The following FERMT1 variants were observed in gnomAD, a reference collection of about 807,000 sequenced individuals.
FERMT1 encodes the protein fermitin family homolog 1.
In FERMT1, 60 loss-of-function variants were observed where a neutral mutation model predicts 85.3. That is an observed-to-expected ratio of 0.70 (90% CI 0.57 to 0.87). The LOEUF is 0.87. FERMT1 is among the 40% of genes least tolerant of loss of function. The probability of loss-of-function intolerance (pLI) is 0.00; values close to 1 mark genes in which losing one functional copy is unlikely to be tolerated. For missense variants in FERMT1, 701 were observed against 818.9 expected, an observed-to-expected ratio of 0.86 and a Z score of 1.76; for synonymous variants, 275 against 301.1, an observed-to-expected ratio of 0.91 and a Z score of 0.90.
intron 6 of FERMT1, among the ~76,000 whole-genome samples, chr20:6,105,341 T>C (rs1171820733): frequency 6.6e-6 from 1 of 152,194 alleles, no homozygotes; most frequent in Non-Finnish European, 1.5e-5. Flanking sequence ...AGTTTGATTA[T>C]CAGGTGGTCC....
rs201694674 is a variant in FERMT1 at position 6,097,013 on chromosome 20, C to T, written c.978G>A (p.Ser326=). The change falls in exon 8 of 15, where the codon TCG becomes TCA. Residue 326 remains serine (S), a synonymous_variant. Coordinates refer to ENST00000217289, the MANE Select transcript of FERMT1 (RefSeq NM_017671.5). ...AALQYHISKL[S]LSAETQDFAG... is the part of the protein sequence containing the mutation. ...CAAAATCCTGTGTTTCAGCAGACAACGACAGTTTGCTAATGTGGTACTAAA... is the reference window on the plus strand; with the variant it reads ...CAAAATCCTGTGTTTCAGCAGACAATGACAGTTTGCTAATGTGGTACTAAA... 4.8e-5 allele frequency: 78 copies of T among 1,613,714 alleles called. 1 individual carries two copies. In the Middle Eastern group the frequency reaches 6.6e-4, roughly 14 times the overall value.
intron 6 of FERMT1, among the ~76,000 whole-genome samples, chr20:6,103,610 G>A (rs1469462335): frequency 6.6e-6 from 1 of 152,006 alleles, no homozygotes; most frequent in Non-Finnish European, 1.5e-5. Flanking sequence ...GTAAAGCATT[G>A]TAGTTCATTT....
At chr20:6,079,666 A>G in intron 13 of FERMT1, 89 bp from the exon 14 acceptor site, 1 of 1,237,440 alleles carries the variant, frequency 8.1e-7, no homozygotes, top group Non-Finnish European at 1.2e-6. Flanking sequence ...AAATACTACC[A>G]GTATTTCTGA....
At chr20:6,113,638 A>G (rs1317666446) in intron 3 of FERMT1, among the ~76,000 whole-genome samples, 1 of 152,174 alleles carries the variant, frequency 6.6e-6, no homozygotes, top group African/African-American at 2.4e-5. Flanking sequence ...CTGCACTGCA[A>G]CAGCCCACAT....
rs1439132296 is a variant in FERMT1 at position 6,104,060 on chromosome 20, G to C, written c.849+3472C>G. On this transcript the variant is annotated intron_variant, in intron 6 of 14. Transcript: ENST00000217289. This position sits in a 1 kb window ranked among gnomAD's most constrained non-coding sequence, Gnocchi z 4.2. ...TAATTTTTGTATTTTTAGTAGAGAT[G>C]GGGTTTCACCATGTTGGCCAGGCTA... 6.6e-6 allele frequency among the ~76,000 whole-genome samples: 1 copy of C among 151,882 alleles called. No individual in the cohort carries two copies. Among genetic ancestry groups the C allele is most frequent in the African/African-American group, 2.4e-5 (1 of 41,364 alleles).
intron 6 of FERMT1, among the ~76,000 whole-genome samples, chr20:6,105,037 T>TC (rs1982760838): frequency 6.6e-6 from 1 of 152,108 alleles, no homozygotes; most frequent in Admixed American, 6.6e-5. Context: ...GATCCTATCA[T>TC]CCATCAGGTG....
At position 6,076,183 on chromosome 20, in the gene FERMT1, T is replaced by C; in HGVS notation, c.*990A>G. Reference sequence around the variant, plus strand: ...ATGACCCAGACCAGCCTAAAGCCCCTGTGGGGGCAGCCAGTGGGGAGCTGT... The same window carrying C: ...ATGACCCAGACCAGCCTAAAGCCCCCGTGGGGGCAGCCAGTGGGGAGCTGT... On this transcript the variant is annotated 3_prime_UTR_variant, in exon 15 of 15. Coordinates refer to ENST00000217289, the MANE Select transcript of FERMT1 (RefSeq NM_017671.5). The C allele has an allele frequency of 3.4e-6, 1 of 297,276 alleles. No homozygotes were observed. The allele number at this position is 297,276 out of a possible 1,614,324, so 18.4% of individuals were successfully genotyped here.
At chr20:6,079,385 G>A in intron 14 of FERMT1, 51 bp downstream of exon 14, 2 of 1,595,860 alleles carry the variant, frequency 1.3e-6, no homozygotes, top group Non-Finnish European at 1.7e-6. Flanking sequence ...GCAATTCTGA[G>A]GGACACACAT....
Position 6,086,003 on chromosome 20 carries a change from G to A in FERMT1, c.1372-716C>T, listed in dbSNP as rs6053898. 5.9e-3 allele frequency among the ~76,000 whole-genome samples: 892 copies of A among 152,120 alleles called. 7 individuals carry two copies. The highest frequency in any genetic ancestry group is 0.019 in the African/African-American group (809 of 41,506). On this transcript the variant is annotated intron_variant, in intron 11 of 14. Transcript: ENST00000217289. ...AAAAATACAAAAAAATTAGCCAGGC[G>A]TGGTGGCAGGCACTTGTAGTCCCAG...
chr20:6,108,242 C>T (rs989391785), intron 5 of FERMT1, among the ~76,000 whole-genome samples: 2 of 151,984 alleles, frequency 1.3e-5, no homozygotes, highest in Non-Finnish European at 2.9e-5. Flanking sequence ...TATCCCCAAA[C>T]CTGAAAAAGT....
rs143441025 is a variant in FERMT1, at chr20:6,088,275, T to A, written c.1265-392A>T. Among the ~76,000 whole-genome samples, 227 of 152,318 alleles carry A rather than the reference T, an allele frequency of 1.5e-3. 1 individual carries two copies. Among genetic ancestry groups the A allele is most frequent in the African/African-American group, 5.2e-3 (218 of 41,570 alleles). ...AAATATTTCAATTAATAGATGGTTA[T>A]CAGGACGCTCACAGTGACCTTCAGA... On this transcript the variant is annotated intron_variant, in intron 10 of 14. Coordinates refer to ENST00000217289, the MANE Select transcript of FERMT1 (RefSeq NM_017671.5).
At chr20:6,118,556 A>G (rs1164065732) in intron 2 of FERMT1, among the ~76,000 whole-genome samples, 2 of 152,158 alleles carry the variant, frequency 1.3e-5, no homozygotes, top group South Asian at 2.1e-4. Flanking sequence ...GTCAATAAGG[A>G]CTGAAAAAAA....
At position 6,084,224 on chromosome 20, in the gene FERMT1, G is replaced by A. The variant is rs900475033; in HGVS notation, c.1594-60C>T. 1.7e-5 allele frequency: 27 copies of A among 1,555,638 alleles called. No individual in the cohort carries two copies. In the South Asian group the frequency reaches 2.8e-4, roughly 16 times the overall value. Reference sequence around the variant, plus strand: ...GCACCGGCTGCTCTGTGATCACCCTGTTAGCTCCAGATCCCCCATAAGAAC... The same window carrying A: ...GCACCGGCTGCTCTGTGATCACCCTATTAGCTCCAGATCCCCCATAAGAAC... On this transcript the variant is annotated intron_variant, in intron 12 of 14. Transcript: ENST00000217289.
intron 9 of FERMT1, among the ~76,000 whole-genome samples, chr20:6,090,447 G>A (rs1043714832): frequency 6.6e-6 from 1 of 151,958 alleles, no homozygotes. Context: ...ACAAAGATAG[G>A]AAAGAAGTTG....
At chr20:6,090,507 C>T (rs1362592333) in intron 9 of FERMT1, among the ~76,000 whole-genome samples, 3 of 151,398 alleles carry the variant, frequency 2.0e-5, no homozygotes, top group Non-Finnish European at 2.9e-5. Flanking sequence ...ATCATCTCAG[C>T]ACTTTGGGGA....
At chr20:6,119,899 C>T (rs1983220447) in intron 1 of FERMT1, among the ~76,000 whole-genome samples, 1 of 152,098 alleles carries the variant, frequency 6.6e-6, no homozygotes, top group Non-Finnish European at 1.5e-5. Context: ...TTCTTTTGAC[C>T]TTCTCTCAAC....
intron 2 of FERMT1, among the ~76,000 whole-genome samples, chr20:6,118,115 G>T (rs962981720): frequency 6.6e-6 from 1 of 152,184 alleles, no homozygotes; most frequent in East Asian, 1.9e-4. Flanking sequence ...TTCTGTAAGT[G>T]CATGAAAATG....
Position 6,122,597 on chromosome 20 carries a change from G to A in FERMT1, c.-19+177C>T, listed in dbSNP as rs570887656. 1.4e-4 allele frequency among the ~76,000 whole-genome samples: 22 copies of A among 152,300 alleles called. No individual in the cohort carries two copies. The South Asian group carries it at 4.3e-3, about 30-fold the overall frequency. Reference sequence around the variant, plus strand: ...CGGCTGAACTGAAAGTTTATTTTGCGGCCAGATGCGTAGGGCCGGAGAAGG... The same window carrying A: ...CGGCTGAACTGAAAGTTTATTTTGCAGCCAGATGCGTAGGGCCGGAGAAGG... On this transcript the variant is annotated intron_variant, in intron 1 of 14. Coordinates refer to ENST00000217289, the MANE Select transcript of FERMT1 (RefSeq NM_017671.5).
chr20:6,080,759 G>T (rs1379306297), intron 13 of FERMT1, among the ~76,000 whole-genome samples: 2 of 152,212 alleles, frequency 1.3e-5, no homozygotes, highest in African/African-American at 4.8e-5. Context: ...GCCTTCTACT[G>T]AGATGAAGAA....
Sources: gnomAD v4.1 joint callset for allele counts (sites outside exome capture counted in the v4.1 genomes callset) on GRCh38, gnomAD v4.1.1 for gene constraint, Gnocchi (gnomAD v3.1) non-coding constraint, MANE v1.5 for transcripts, NCBI Gene and HGNC (gene_info 2026-07-23, HGNC 2026-07-21) for gene names.